Variants in PEX5L observed in about 807,000 individuals in gnomAD.
PEX5L encodes peroxisomal biogenesis factor 5 like.
In PEX5L, 30 loss-of-function variants were observed where a neutral mutation model predicts 84.0. The ratio of observed to expected loss-of-function variants is 0.36; its 90% CI spans 0.27 to 0.48. The LOEUF is 0.48. Ranked by LOEUF, PEX5L falls within the 20% of genes least tolerant of loss-of-function variation. The pLI is 0.99. For synonymous variants in PEX5L, 270 were observed against 283.1 expected, an observed-to-expected ratio of 0.95 and a Z score of 0.46; for missense variants, 533 against 754.6, an observed-to-expected ratio of 0.71 and a Z score of 3.44.
chr3:179,971,765 C>G (rs1200822283), intron 1 of PEX5L, 100 bp from the exon 2 acceptor site: 2 of 1,194,024 alleles, frequency 1.7e-6, no homozygotes, highest in East Asian at 5.6e-5. Flanking sequence ...GCCTTGTTCA[C>G]CAGTCATAAT....
chr3:179,828,623 G>A (rs1560266437), intron 8 of PEX5L, among the ~76,000 whole-genome samples: 1 of 152,038 alleles, frequency 6.6e-6, no homozygotes, highest in Non-Finnish European at 1.5e-5. Context: ...GGGTATGTGA[G>A]CAGCAGTCTC....
intron 1 of PEX5L, among the ~76,000 whole-genome samples, chr3:179,989,414 T>C (rs1787178989): frequency 6.6e-6 from 1 of 152,200 alleles, no homozygotes; most frequent in Non-Finnish European, 1.5e-5. Flanking sequence ...TCATGACATA[T>C]GTGATAGATA....
chr3:179,836,802 T>G (rs1229917879), intron 8 of PEX5L, among the ~76,000 whole-genome samples: 1 of 152,196 alleles, frequency 6.6e-6, no homozygotes, highest in Non-Finnish European at 1.5e-5. Flanking sequence ...TACCTTGGTT[T>G]GGGCTTCTTA....
chr3:179,868,228 CT>C (rs1749073279), intron 7 of PEX5L, among the ~76,000 whole-genome samples: 1 of 151,618 alleles, frequency 6.6e-6, no homozygotes, highest in South Asian at 2.1e-4. Flanking sequence ...GTCCTGGATC[CT>C]TTCCTCTTTA....
intron 14 of PEX5L, among the ~76,000 whole-genome samples, chr3:179,802,860 C>CT (rs1355773988): frequency 7.0e-6 from 1 of 143,044 alleles, no homozygotes; most frequent in Non-Finnish European, 1.5e-5. Flanking sequence ...AGGCAAATTT[C>CT]TTGTTTTTTT....
At chr3:179,836,488 T>G (rs1379633956) in intron 8 of PEX5L, among the ~76,000 whole-genome samples, 2 of 152,100 alleles carry the variant, frequency 1.3e-5, no homozygotes, top group African/African-American at 4.8e-5. Context: ...CCACCAAAAC[T>G]AAGTGATTTA....
At chr3:180,003,333 T>C (rs1434557949) in intron 1 of PEX5L, among the ~76,000 whole-genome samples, 1 of 151,952 alleles carries the variant, frequency 6.6e-6, no homozygotes, top group East Asian at 1.9e-4. Context: ...GTGAGGAGCA[T>C]ATTAGGTTTT....
At chr3:180,000,893 T>C (rs1788338607) in intron 1 of PEX5L, among the ~76,000 whole-genome samples, 1 of 152,116 alleles carries the variant, frequency 6.6e-6, no homozygotes, top group African/African-American at 2.4e-5. Context: ...TCTCAGGAGA[T>C]ATGTGTGGGT....
intron 2 of PEX5L, among the ~76,000 whole-genome samples, chr3:179,916,824 C>G (rs1364891018): frequency 6.6e-6 from 1 of 151,986 alleles, no homozygotes; most frequent in South Asian, 2.1e-4. Context: ...TGCACACCAC[C>G]ACTCCCGGTG....
At chr3:180,025,664 T>C (rs960647805) in intron 1 of PEX5L, among the ~76,000 whole-genome samples, 2 of 151,910 alleles carry the variant, frequency 1.3e-5, no homozygotes, top group African/African-American at 2.4e-5. Context: ...AGGCAAGGAA[T>C]TGAGGACGAG....
chr3:179,814,502 C>G (rs1010057500), intron 10 of PEX5L, among the ~76,000 whole-genome samples: 4 of 152,210 alleles, frequency 2.6e-5, no homozygotes, highest in Non-Finnish European at 4.4e-5. Flanking sequence ...TGCTTAACCA[C>G]TATTCTACAT....
chr3:179,838,883 G>A (rs930413404), intron 8 of PEX5L, among the ~76,000 whole-genome samples: 1 of 152,064 alleles, frequency 6.6e-6, no homozygotes, highest in Non-Finnish European at 1.5e-5. Context: ...TATCCTCAGT[G>A]TTCTGACATA....
intron 3 of PEX5L, among the ~76,000 whole-genome samples, chr3:179,892,931 T>C (rs78597061): frequency 0.025 from 3,746 of 152,214 alleles, 152 homozygotes; most frequent in African/African-American, 0.087. Context: ...ATTCCCTCCA[T>C]GCTGATTTTA....
chr3:179,813,345 T>G (rs1724626344), intron 10 of PEX5L, among the ~76,000 whole-genome samples: 1 of 152,190 alleles, frequency 6.6e-6, no homozygotes, highest in South Asian at 2.1e-4. Context: ...CTTAAAAAAA[T>G]CTTCCAGGGC....
At chr3:179,999,234 T>G (rs1274926243) in intron 1 of PEX5L, among the ~76,000 whole-genome samples, 4 of 152,158 alleles carry the variant, frequency 2.6e-5, no homozygotes, top group African/African-American at 9.7e-5. Context: ...GGTCAAAAAC[T>G]GTGAAGAAAT....
At chr3:179,829,825 A>G (rs928277305) in intron 8 of PEX5L, among the ~76,000 whole-genome samples, 15 of 142,582 alleles carry the variant, frequency 1.1e-4, no homozygotes, top group South Asian at 2.2e-4. Context: ...TGCCAAGGCT[A>G]GAGTGCAGTG....
chr3:179,866,270 G>T (rs1413652394), intron 7 of PEX5L, among the ~76,000 whole-genome samples: 1 of 152,122 alleles, frequency 6.6e-6, no homozygotes, highest in Admixed American at 6.6e-5. Context: ...ATTATCGCTG[G>T]AGGAGAAAAA....
At chr3:179,945,512 C>A (rs6792357) in intron 2 of PEX5L, among the ~76,000 whole-genome samples, 11,373 of 152,198 alleles carry the variant, frequency 0.075, 1,416 homozygotes, top group African/African-American at 0.26. Flanking sequence ...ATAAGGGCTA[C>A]AGACATAGTT....
chr3:179,923,766 TAA>T (rs1770568859), intron 2 of PEX5L, among the ~76,000 whole-genome samples: 1 of 152,220 alleles, frequency 6.6e-6, no homozygotes, highest in African/African-American at 2.4e-5. Context: ...GTCTAACTTC[TAA>T]GTCTGACATA....
Sources: gnomAD v4.1 joint callset for allele counts (sites outside exome capture counted in the v4.1 genomes callset) on GRCh38, gnomAD v4.1.1 for gene constraint, MANE v1.5 for transcripts, NCBI Gene and HGNC (gene_info 2026-07-23, HGNC 2026-07-21) for gene names.